The following NSUN3 variants were observed in gnomAD, a reference collection of about 807,000 sequenced individuals.
NSUN3 encodes NOP2/Sun RNA methyltransferase 3, also known as tRNA (cytosine(34)-C(5))-methyltransferase, mitochondrial.
In NSUN3, 24 loss-of-function variants were observed where a neutral mutation model predicts 36.8. That is an observed-to-expected ratio of 0.65 (90% CI 0.47 to 0.92). The LOEUF (loss-of-function observed/expected upper bound fraction) is 0.92. Ranked by LOEUF, NSUN3 falls within the 40% of genes least tolerant of loss-of-function variation. The pLI is 0.00. For missense variants in NSUN3, 381 were observed against 392.8 expected, an observed-to-expected ratio of 0.97 and a Z score of 0.25; for synonymous variants, 146 against 145.2, an observed-to-expected ratio of 1.01 and a Z score of -0.04.
chr3:94,116,363 T>G (rs1291905834), intron 5 of NSUN3, among the ~76,000 whole-genome samples: 6 of 152,114 alleles, frequency 3.9e-5, no homozygotes, highest in Non-Finnish European at 8.8e-5. Flanking sequence ...AAAAATACGT[T>G]TATTATTGAT....
chr3:94,080,844 C>T (rs1319740364), intron 2 of NSUN3, among the ~76,000 whole-genome samples: 1 of 152,192 alleles, frequency 6.6e-6, no homozygotes, highest in Non-Finnish European at 1.5e-5. Flanking sequence ...TTGCTGGGCT[C>T]CATGGGGGTG....
chr3:94,063,113 C>T lies in NSUN3; in HGVS notation c.-14C>T. The T allele has an allele frequency of 6.2e-7, 1 of 1,614,054 alleles. No individual in the cohort carries two copies. Among genetic ancestry groups the T allele is most frequent in the Admixed American group, 1.7e-5 (1 of 60,006 alleles). ...TTCGCGTACACCTGTTGTTTGAAAG[C>T]TCTCAGCGGGACAATGCTGACCCAG... On this transcript the variant is annotated 5_prime_UTR_variant, in exon 1 of 6. Coordinates refer to ENST00000314622, the MANE Select transcript of NSUN3 (RefSeq NM_022072.5).
At chr3:94,122,140 A>T (rs2077465314) in intron 5 of NSUN3, among the ~76,000 whole-genome samples, 1 of 146,878 alleles carries the variant, frequency 6.8e-6, no homozygotes, top group Non-Finnish European at 1.5e-5. Flanking sequence ...AGCAAGACTC[A>T]TCCCCCCACC....
intron 5 of NSUN3, among the ~76,000 whole-genome samples, chr3:94,119,967 T>G (rs900981069): frequency 6.6e-6 from 1 of 152,246 alleles, no homozygotes; most frequent in African/African-American, 2.4e-5. Flanking sequence ...AGATAAATTA[T>G]GAATGTCGAA....
chr3:94,065,598 A>G (rs1237008368), intron 2 of NSUN3, among the ~76,000 whole-genome samples: 1 of 152,224 alleles, frequency 6.6e-6, no homozygotes, highest in Non-Finnish European at 1.5e-5. Context: ...CATTTTCTAA[A>G]ACAAATTAAG....
At chr3:94,090,613 A>G (rs1478005067) in intron 3 of NSUN3, among the ~76,000 whole-genome samples, 1 of 152,192 alleles carries the variant, frequency 6.6e-6, no homozygotes, top group Non-Finnish European at 1.5e-5. Flanking sequence ...CTGCGGTGTG[A>G]CAGACTGGGT....
At chr3:94,070,316 C>T (rs1183835229) in intron 2 of NSUN3, among the ~76,000 whole-genome samples, 3 of 152,000 alleles carry the variant, frequency 2.0e-5, no homozygotes, top group Non-Finnish European at 1.5e-5. Context: ...AAGCAATTAG[C>T]TGGGTGTGGT....
chr3:94,063,122 G>A lies in NSUN3; in HGVS notation c.-5G>A, dbSNP rs2107230085. On this transcript the variant is annotated 5_prime_UTR_variant, in exon 1 of 6. Coordinates refer to ENST00000314622, the MANE Select transcript of NSUN3 (RefSeq NM_022072.5). ...ACCTGTTGTTTGAAAGCTCTCAGCG[G>A]GACAATGCTGACCCAGGTGAGACCT... The A allele has an allele frequency of 6.2e-7, 1 of 1,614,034 alleles. No individual in the cohort carries two copies. Among genetic ancestry groups the A allele is most frequent in the Non-Finnish European group, 8.5e-7 (1 of 1,179,970 alleles).
At chr3:94,083,997 C>T in intron 2 of NSUN3, 110 bp from the exon 3 acceptor site, 1 of 763,480 alleles carries the variant, frequency 1.3e-6, no homozygotes, top group Non-Finnish European at 2.1e-6. Context: ...CTTAAAATCA[C>T]AGGTAAGTGA....
intron 5 of NSUN3, among the ~76,000 whole-genome samples, chr3:94,107,160 G>A (rs2077393129): frequency 6.7e-6 from 1 of 149,820 alleles, no homozygotes; most frequent in African/African-American, 2.5e-5. Flanking sequence ...CAAACTCCTG[G>A]GCTCAAGCGA....
intron 5 of NSUN3, among the ~76,000 whole-genome samples, chr3:94,109,942 A>G (rs2077408999): frequency 6.6e-6 from 1 of 152,142 alleles, no homozygotes; most frequent in South Asian, 2.1e-4. Context: ...TCTTTTTACC[A>G]TAGATTAGTT....
chr3:94,129,241 C>T lies in NSUN3; in HGVS notation c.*2751C>T, dbSNP rs2077500019. 6.6e-6 allele frequency among the ~76,000 whole-genome samples: 1 copy of T among 152,098 alleles called. No homozygotes were observed. Among genetic ancestry groups the T allele is most frequent in the East Asian group, 1.9e-4 (1 of 5,190 alleles). ...AGTAATATTTACAATAGTAAAGATA[C>T]GGAATCAACCTAACCGCCCATCAGC... On this transcript the variant is annotated 3_prime_UTR_variant, in exon 6 of 6. Coordinates refer to ENST00000314622, the MANE Select transcript of NSUN3 (RefSeq NM_022072.5).
chr3:94,102,282 G>A (rs962167559), intron 5 of NSUN3, among the ~76,000 whole-genome samples: 1 of 149,422 alleles, frequency 6.7e-6, no homozygotes, highest in Admixed American at 6.7e-5. Flanking sequence ...CTAGTTGACT[G>A]TGCAGCATGG....
Position 94,126,438 on chromosome 3 carries a change from G to C in NSUN3, c.971G>C (p.Gly324Ala). 1 of 1,613,932 alleles carries C rather than the reference G, an allele frequency of 6.2e-7. No homozygotes were observed. The highest frequency in any genetic ancestry group is 8.5e-7 in the Non-Finnish European group (1 of 1,179,796). Residue 324 changes from glycine to alanine, a missense_variant, in exon 6 of 6, where the codon GGC (glycine) becomes GCC (alanine). Physicochemically the swap from Gly to Ala is moderately conservative, Grantham distance 60 (BLOSUM62 0). Transcript: ENST00000314622. ...ATTCCAGATAAGGGCAAAGCCTGGGGCCCAATGTATGTAGCCAAATTGAAG... is the reference window on the plus strand; with the variant it reads ...ATTCCAGATAAGGGCAAAGCCTGGGCCCCAATGTATGTAGCCAAATTGAAG... ...LVIPDKGKAW[G>A]PMYVAKLKKS...
intron 5 of NSUN3, among the ~76,000 whole-genome samples, chr3:94,098,218 C>T (rs1024081605): frequency 5.9e-5 from 9 of 152,130 alleles, no homozygotes; most frequent in African/African-American, 1.2e-4. Flanking sequence ...ATCACTAAGA[C>T]GTCTCAGTTG....
chr3:94,104,114 C>A (rs1217065339), intron 5 of NSUN3, among the ~76,000 whole-genome samples: 4 of 152,114 alleles, frequency 2.6e-5, no homozygotes, highest in Non-Finnish European at 4.4e-5. Context: ...TGGGGCATGG[C>A]TTCCTAGAGA....
chr3:94,119,068 T>G (rs917629876), intron 5 of NSUN3, among the ~76,000 whole-genome samples: 2 of 152,188 alleles, frequency 1.3e-5, no homozygotes, highest in Admixed American at 6.5e-5. Context: ...ATTTCTTGTT[T>G]CTTGTACACT....
At position 94,064,454 on chromosome 3, in the gene NSUN3, G is replaced by A. The variant is rs1234883741; in HGVS notation, c.30G>A (p.Glu10=). The change falls in exon 2 of 6, where the codon GAG becomes GAA. Residue 10 remains glutamate, a synonymous_variant. Transcript: ENST00000314622. MLTQLKAKS[E]GKLAKQICKV... is the part of the protein sequence containing the mutation. ...CGTCATAGCTGAAAGCAAAATCAGA[G>A]GGGAAGCTTGCAAAACAGATTTGCA... The A allele has an allele frequency of 6.2e-7, 1 of 1,613,350 alleles. No individual in the cohort carries two copies. Among genetic ancestry groups the A allele is most frequent in the Non-Finnish European group, 8.5e-7 (1 of 1,179,496 alleles).
chr3:94,126,526 T>G lies in NSUN3; in HGVS notation c.*36T>G. The stretch of plus-strand genomic sequence containing the variant: ...TAAACTGTGTTTATGTGTTATTATA[T>G]TTATATTTCTGAACTCAGTACATGT... On this transcript the variant is annotated 3_prime_UTR_variant, in exon 6 of 6. Transcript: ENST00000314622. The G allele has an allele frequency of 4.5e-6, 7 of 1,559,624 alleles. No individual in the cohort carries two copies. The highest frequency in any genetic ancestry group is 6.1e-6 in the Non-Finnish European group (7 of 1,144,714).
Sources: allele counts gnomAD v4.1 joint callset (sites outside exome capture counted in the v4.1 genomes callset), GRCh38; gene constraint gnomAD v4.1.1; transcripts MANE v1.5; gene names NCBI Gene and HGNC (gene_info 2026-07-23, HGNC 2026-07-21).